DGKB: variants seen among roughly 807,000 people sequenced by gnomAD.
The protein encoded by DGKB is diacylglycerol kinase beta, also known as 90 kDa diacylglycerol kinase.
DGKB carries 67 observed loss-of-function variants against 114.3 expected under a neutral mutation model. The observed-to-expected ratio is 0.59, with a 90% CI of 0.48 to 0.72. DGKB has a LOEUF of 0.72. Ranked by LOEUF, DGKB falls within the 30% of genes least tolerant of loss-of-function variation. The probability of loss-of-function intolerance (pLI) is 0.00; values close to 1 mark genes in which losing one functional copy is unlikely to be tolerated. For synonymous variants in DGKB, 398 were observed against 323.1 expected (o/e 1.23, Z -2.49); for missense variants, 907 against 975.2 (o/e 0.93, Z 0.93).
At chr7:14,650,793 A>T (rs1814277214) in intron 13 of DGKB, among the ~76,000 whole-genome samples, 1 of 147,152 alleles carries the variant, frequency 6.8e-6, no homozygotes. Context: ...AAATAGACGC[A>T]ATAAAAAATG....
chr7:14,407,672 T>C (rs1159771929), intron 21 of DGKB, among the ~76,000 whole-genome samples: 1 of 151,904 alleles, frequency 6.6e-6, no homozygotes, highest in Non-Finnish European at 1.5e-5. Context: ...TAATAAGAGG[T>C]TTTTCTTTTC....
At chr7:14,361,099 G>A (rs1201713359) in intron 21 of DGKB, among the ~76,000 whole-genome samples, 1 of 151,864 alleles carries the variant, frequency 6.6e-6, no homozygotes, top group East Asian at 1.9e-4. Context: ...AATAAAACTT[G>A]TTTCTATTCT....
At chr7:14,879,731 G>A (rs1035564539) in intron 1 of DGKB, among the ~76,000 whole-genome samples, 2 of 152,058 alleles carry the variant, frequency 1.3e-5, no homozygotes, top group African/African-American at 4.8e-5. Flanking sequence ...CTTCTCCATG[G>A]TAAAATACCT....
chr7:14,244,631 C>G (rs1167222140), intron 23 of DGKB, among the ~76,000 whole-genome samples: 2 of 138,800 alleles, frequency 1.4e-5, no homozygotes, highest in Non-Finnish European at 3.0e-5. Context: ...GATCACGCCA[C>G]TGCAATCCAG....
At chr7:14,430,764 T>C (rs1828334531) in intron 21 of DGKB, among the ~76,000 whole-genome samples, 1 of 152,202 alleles carries the variant, frequency 6.6e-6, no homozygotes, top group Admixed American at 6.6e-5. Context: ...TTCACATTTC[T>C]GAGTAATTTC....
intron 23 of DGKB, among the ~76,000 whole-genome samples, chr7:14,228,636 C>T (rs375649047): frequency 4.6e-5 from 7 of 151,870 alleles, no homozygotes; most frequent in African/African-American, 1.7e-4. Flanking sequence ...TGGCTTTGCC[C>T]AAAACTAATG....
chr7:14,746,831 A>C (rs1231325863), intron 4 of DGKB, among the ~76,000 whole-genome samples: 2 of 152,132 alleles, frequency 1.3e-5, no homozygotes, highest in African/African-American at 4.8e-5. Flanking sequence ...GAAAACTGTA[A>C]AATTCATTGC....
At chr7:14,208,084 A>C (rs1374146340) in intron 23 of DGKB, among the ~76,000 whole-genome samples, 1 of 152,014 alleles carries the variant, frequency 6.6e-6, no homozygotes, top group South Asian at 2.1e-4. Flanking sequence ...TTGCTCCTTA[A>C]GTTATTAATT....
intron 2 of DGKB, among the ~76,000 whole-genome samples, chr7:14,762,334 T>C (rs1835825580): frequency 6.6e-6 from 1 of 152,046 alleles, no homozygotes; most frequent in Non-Finnish European, 1.5e-5. Context: ...CCCCCCAAAA[T>C]GCACACACCC....
At chr7:14,920,585 G>C (rs1196604800) in intron 1 of DGKB, among the ~76,000 whole-genome samples, 1 of 152,136 alleles carries the variant, frequency 6.6e-6, no homozygotes. Flanking sequence ...AAGACAGTTT[G>C]GCAGTTTCTT....
chr7:14,152,570 G>A (rs190132615), intron 25 of DGKB, among the ~76,000 whole-genome samples: 2 of 151,970 alleles, frequency 1.3e-5, no homozygotes, highest in African/African-American at 4.8e-5. Flanking sequence ...GGCAGAGAAA[G>A]GTTCTTCCAC....
chr7:14,272,891 T>C (rs779010340), intron 23 of DGKB, among the ~76,000 whole-genome samples: 16 of 152,190 alleles, frequency 1.1e-4, no homozygotes, highest in South Asian at 8.3e-4. Context: ...ATATAAAATG[T>C]GTAGGTTTGC....
At chr7:14,610,493 A>C (rs1329447251) in intron 16 of DGKB, among the ~76,000 whole-genome samples, 1 of 152,106 alleles carries the variant, frequency 6.6e-6, no homozygotes, top group Non-Finnish European at 1.5e-5. Context: ...TCCTGTATCT[A>C]AAGTAAAAGT....
chr7:14,163,635 A>T (rs1387798747), intron 25 of DGKB, among the ~76,000 whole-genome samples: 1 of 152,196 alleles, frequency 6.6e-6, no homozygotes, highest in Non-Finnish European at 1.5e-5. Context: ...TCATGCCAGT[A>T]TGTTTCAAGG....
intron 20 of DGKB, among the ~76,000 whole-genome samples, chr7:14,480,161 G>C (rs1348202939): frequency 6.6e-6 from 1 of 151,768 alleles, no homozygotes; most frequent in Non-Finnish European, 1.5e-5. Context: ...AGAGGGGAGA[G>C]ACAGCAAAAG....
intron 23 of DGKB, among the ~76,000 whole-genome samples, chr7:14,251,985 G>A (rs1336175172): frequency 6.6e-6 from 1 of 152,060 alleles, no homozygotes; most frequent in Non-Finnish European, 1.5e-5. Context: ...AGATCTTTAT[G>A]TTTAATCTAT....
chr7:14,299,841 G>A (rs890658120), intron 23 of DGKB, among the ~76,000 whole-genome samples: 10 of 151,844 alleles, frequency 6.6e-5, no homozygotes, highest in Non-Finnish European at 1.2e-4. Context: ...TAGCCAGTGA[G>A]CTATATTAAT....
At chr7:14,163,382 C>T (rs1784184835) in intron 25 of DGKB, among the ~76,000 whole-genome samples, 1 of 152,056 alleles carries the variant, frequency 6.6e-6, no homozygotes, top group Non-Finnish European at 1.5e-5. Flanking sequence ...AAAAATTATG[C>T]ACAGGTAAAC....
At chr7:14,889,478 G>A (rs990785470) in intron 1 of DGKB, among the ~76,000 whole-genome samples, 2 of 151,466 alleles carry the variant, frequency 1.3e-5, no homozygotes. Context: ...AGTGTAGTAG[G>A]CCTGGTTATG....
Sources: allele counts gnomAD v4.1 joint callset (sites outside exome capture counted in the v4.1 genomes callset), GRCh38; gene constraint gnomAD v4.1.1; transcripts MANE v1.5; gene names NCBI Gene and HGNC (gene_info 2026-07-23, HGNC 2026-07-21).